The following ATP5F1B variants were observed in gnomAD, a reference collection of about 807,000 sequenced individuals.
ATP5F1B encodes the protein ATP synthase F(1) complex subunit beta, mitochondrial.
ATP5F1B carries 17 observed loss-of-function variants against 45.9 expected under a neutral mutation model. The observed-to-expected ratio is 0.37, with a 90% CI of 0.25 to 0.56. The LOEUF is 0.56. ATP5F1B is among the 20% of genes least tolerant of loss of function. The pLI is 0.80. For missense variants in ATP5F1B, 387 were observed against 673.2 expected (o/e 0.57, Z 4.70); for synonymous variants, 218 against 256.5 (o/e 0.85, Z 1.43).
chr12:56,642,630 G>A lies in ATP5F1B; in HGVS notation c.951+43C>T, dbSNP rs189451411. On this transcript the variant is annotated intron_variant, in intron 6 of 9. Coordinates refer to ENST00000262030, the MANE Select transcript of ATP5F1B (RefSeq NM_001686.4). The stretch of plus-strand genomic sequence containing the variant: ...GTCTACATCCTTAGCCTCATCCGAA[G>A]AAAGGCCAGATGAACCAGGTCCTCT... The A allele has an allele frequency of 4.8e-4, 771 of 1,613,944 alleles. No individual in the cohort carries two copies. The African/African-American group carries it at 9.3e-3, about 19-fold the overall frequency.
chr12:56,644,217 C>G (rs1565848625), intron 3 of ATP5F1B, among the ~76,000 whole-genome samples: 1 of 152,100 alleles, frequency 6.6e-6, no homozygotes, highest in Non-Finnish European at 1.5e-5. Context: ...TTTTACTGAG[C>G]CTTAACCTAA....
chr12:56,642,411 C>A (rs747477525), intron 7 of ATP5F1B, 47 bp downstream of exon 7: 158 of 1,609,702 alleles, frequency 9.8e-5, no homozygotes, highest in Non-Finnish European at 1.3e-4. Context: ...CACCACTGCA[C>A]CCTGCCTTTA....
chr12:56,642,140 C>T (rs1347469338), intron 7 of ATP5F1B, among the ~76,000 whole-genome samples: 5 of 151,832 alleles, frequency 3.3e-5, no homozygotes, highest in African/African-American at 7.3e-5. Flanking sequence ...GGATTACAGG[C>T]GCCTGCCACA....
intron 7 of ATP5F1B, among the ~76,000 whole-genome samples, chr12:56,640,994 A>G (rs1437038342): frequency 6.6e-6 from 1 of 151,824 alleles, no homozygotes; most frequent in African/African-American, 2.4e-5. Flanking sequence ...GGTTATAGTG[A>G]GCCAAGACTG....
At chr12:56,643,110 C>A (rs1592645133) in intron 5 of ATP5F1B, 1 of 485,182 alleles carries the variant, frequency 2.1e-6, no homozygotes, top group East Asian at 3.3e-5. Flanking sequence ...CACGTCCAAT[C>A]CAGCCCTCCC....
In ATP5F1B at chr12:56,642,458, C is replaced by A; in HGVS notation, c.1074G>T (p.Gln358His). 6.2e-7 allele frequency: 1 copy of A among 1,613,666 alleles called. No individual in the cohort carries two copies. Among genetic ancestry groups the A allele is most frequent in the South Asian group, 1.1e-5 (1 of 91,014 alleles). The stretch of plus-strand genomic sequence containing the variant: ...TCTTCATCTATGTAATTTTTCTTAC[C>A]TGTACAGAGGTGATAGATCCCTTCT... Reference protein sequence around the residue: ...TTKKGSITSVQAIYVPADDLT... With the variant: ...TTKKGSITSVHAIYVPADDLT... Residue 358 changes from glutamine (Q) to histidine (H), a missense_variant and splice_region_variant, in exon 7 of 10, where the codon CAG (glutamine) becomes CAT (histidine). Gln to His is a conservative substitution (Grantham distance 24). This residue lies in a region of ATP5F1B where 154 missense variants were observed against 361.4 expected (regional missense o/e 0.43). Transcript: ENST00000262030.
At chr12:56,644,296 C>T (rs1404848224) in intron 3 of ATP5F1B, among the ~76,000 whole-genome samples, 1 of 151,628 alleles carries the variant, frequency 6.6e-6, no homozygotes. Context: ...AAACCTAAGC[C>T]ATAAGACCGA....
chr12:56,644,063 G>A, intron 3 of ATP5F1B, 105 bp from the exon 4 acceptor site: 1 of 1,333,510 alleles, frequency 7.5e-7, no homozygotes, highest in Non-Finnish European at 1.0e-6. Flanking sequence ...CTTTACCTGA[G>A]GAACCACAGT....
intron 7 of ATP5F1B, among the ~76,000 whole-genome samples, chr12:56,640,888 C>A (rs562932787): frequency 9.7e-4 from 114 of 117,408 alleles, no homozygotes; most frequent in African/African-American, 2.9e-3. Context: ...AAAAAAAAAA[C>A]GGAAACAAAA....
chr12:56,645,589 G>A (rs889201436), intron 1 of ATP5F1B, among the ~76,000 whole-genome samples: 1 of 152,120 alleles, frequency 6.6e-6, no homozygotes. Flanking sequence ...CTATTCAACC[G>A]GAAGGTCAAC....
At chr12:56,642,201 T>C (rs1951517407) in intron 7 of ATP5F1B, among the ~76,000 whole-genome samples, 1 of 151,958 alleles carries the variant, frequency 6.6e-6, no homozygotes, top group South Asian at 2.1e-4. Flanking sequence ...TTCACCACGT[T>C]GGCCAGGGTG....
intron 7 of ATP5F1B, among the ~76,000 whole-genome samples, chr12:56,641,800 C>T (rs2137544939): frequency 6.6e-6 from 1 of 152,142 alleles, no homozygotes; most frequent in South Asian, 2.1e-4. Context: ...ATCCGCCTGC[C>T]TTGGCCTCCC....
At chr12:56,639,894 A>C in intron 8 of ATP5F1B, 86 bp downstream of exon 8, 1 of 1,412,536 alleles carries the variant, frequency 7.1e-7, no homozygotes, top group Non-Finnish European at 9.8e-7. Context: ...AAAACAAATC[A>C]CTAAGAAAGA....
At chr12:56,641,989 CTTCAT>C in intron 7 of ATP5F1B, among the ~76,000 whole-genome samples, 1 of 151,776 alleles carries the variant, frequency 6.6e-6, no homozygotes, top group South Asian at 2.1e-4. Context: ...AAATGTATAC[CTTCAT>C]TTATTTTTTT....
intron 4 of ATP5F1B, 91 bp downstream of exon 4, chr12:56,643,746 T>A: frequency 6.3e-7 from 1 of 1,586,092 alleles, no homozygotes; most frequent in East Asian, 2.2e-5. Flanking sequence ...TACTCATCAG[T>A]GAGGAATAGA....
At position 56,640,145 on chromosome 12, in the gene ATP5F1B, A is replaced by C; in HGVS notation, c.1122T>G (p.Thr374=). 6.2e-7 allele frequency: 1 copy of C among 1,613,946 alleles called. No individual in the cohort carries two copies. Among genetic ancestry groups the C allele is most frequent in the Non-Finnish European group, 8.5e-7 (1 of 1,179,884 alleles). ...ADDLTDPAPA[T]TFAHLDATTV... ...TGGTAGCATCCAAATGGGCAAACGT[A>C]GTAGCAGGGGCAGGGTCAGTCAAGT... The change falls in exon 8 of 10, where the codon ACT becomes ACG. Residue 374 remains threonine, a synonymous_variant. Transcript: ENST00000262030.
chr12:56,645,679 G>A (rs907066213), intron 1 of ATP5F1B, among the ~76,000 whole-genome samples, 158 bp downstream of exon 1: 1 of 152,178 alleles, frequency 6.6e-6, no homozygotes, highest in Non-Finnish European at 1.5e-5. Context: ...ACCTCCTATG[G>A]GTGTCCCATT....
At position 56,640,002 on chromosome 12, in the gene ATP5F1B, C is replaced by A; in HGVS notation, c.1265G>T (p.Arg422Leu). 1 of 1,613,938 alleles carries A rather than the reference C, an allele frequency of 6.2e-7. No homozygotes were observed. The highest frequency in any genetic ancestry group is 8.5e-7 in the Non-Finnish European group (1 of 1,179,958). ...IVGSEHYDVA[R>L]GVQKILQDYK... is the part of the protein sequence containing the mutation. ...CACCTGCAGGATCTTTTGCACCCCA[C>A]GGGCAACATCGTAATGCTCACTGCC... is the stretch of plus-strand genomic sequence containing the variant. The change falls in exon 8 of 10, where the codon CGT becomes CTT. Residue 422 changes from arginine to leucine, a missense_variant. This residue lies in a region of ATP5F1B where 154 missense variants were observed against 361.4 expected (regional missense o/e 0.43). Transcript: ENST00000262030.
Position 56,638,182 on chromosome 12 carries a change from G to A in ATP5F1B, c.*141C>T, listed in dbSNP as rs910315434. 3.0e-6 allele frequency: 2 copies of A among 661,634 alleles called. No individual in the cohort carries two copies. Among genetic ancestry groups the A allele is most frequent in the African/African-American group, 1.8e-5 (1 of 55,260 alleles). The allele number at this position is 661,634 out of a possible 1,614,324, so 41.0% of individuals were successfully genotyped here. On this transcript the variant is annotated 3_prime_UTR_variant, in exon 10 of 10. Transcript: ENST00000262030. ...CCAAGAGAATCAGACAAATTCTGAG[G>A]GGTGTACATTTTATTGGAAACCTTA...
Sources: allele counts gnomAD v4.1 joint callset (sites outside exome capture counted in the v4.1 genomes callset), GRCh38; gene constraint gnomAD v4.1.1; regional missense constraint gnomAD v4.1.1; transcripts MANE v1.5; gene names NCBI Gene and HGNC (gene_info 2026-07-23, HGNC 2026-07-21).